Variants in SUN3 observed in about 807,000 individuals in gnomAD.
SUN3 encodes the protein SUN domain-containing protein 3.
A neutral mutation model predicts 48.2 loss-of-function variants in SUN3; 36 were observed. That is an observed-to-expected ratio of 0.75 (90% CI 0.57 to 0.99). SUN3 has a LOEUF of 0.99. Ranked by LOEUF, SUN3 falls within the 50% of genes least tolerant of loss-of-function variation. SUN3 has a pLI of 0.00. For synonymous variants in SUN3, 148 were observed against 147.9 expected, an observed-to-expected ratio of 1.00 and a Z score of 0.00; for missense variants, 419 against 433.1, an observed-to-expected ratio of 0.97 and a Z score of 0.29.
the SUN3 span, chr7:48,035,527 G>T: frequency 1.0e-5 from 7 of 697,556 alleles, no homozygotes; most frequent in Admixed American, 4.0e-5. This position sits in a 1 kb window ranked among gnomAD's most constrained non-coding sequence, Gnocchi z 4.0. Context: ...GTGGTTCCGC[G>T]GCGCGCTGGG....
chr7:48,007,469 G>T, intron 4 of SUN3, 142 bp from the exon 5 acceptor site: 1 of 723,364 alleles, frequency 1.4e-6, no homozygotes, highest in Non-Finnish European at 2.2e-6. Flanking sequence ...AGCAGAGCAT[G>T]CCCATTTCTC....
intron 3 of SUN3, 129 bp from the exon 4 acceptor site, chr7:48,009,204 A>T: frequency 1.2e-6 from 1 of 819,914 alleles, no homozygotes; most frequent in Non-Finnish European, 1.9e-6. Flanking sequence ...GCTGGAACTC[A>T]GGAGCGTCCT....
At chr7:47,988,117 T>C (rs1034166797) in intron 9 of SUN3, among the ~76,000 whole-genome samples, 4 of 152,196 alleles carry the variant, frequency 2.6e-5, no homozygotes, top group African/African-American at 9.6e-5. Flanking sequence ...CATAATCAAA[T>C]ATGAAGCTCT....
chr7:48,022,176 A>T (rs1044063027), intron 2 of SUN3, among the ~76,000 whole-genome samples: 4 of 152,192 alleles, frequency 2.6e-5, no homozygotes, highest in African/African-American at 9.6e-5. Flanking sequence ...TAGAAAGACA[A>T]ATATCACATG....
intron 6 of SUN3, among the ~76,000 whole-genome samples, chr7:48,002,409 C>T (rs1789409710): frequency 1.6e-5 from 2 of 127,098 alleles, no homozygotes; most frequent in East Asian, 1.9e-4. Context: ...CCACCCGCCT[C>T]GGCCTCCCAA....
chr7:48,011,315 A>G (rs1789677002), intron 3 of SUN3, among the ~76,000 whole-genome samples: 1 of 152,192 alleles, frequency 6.6e-6, no homozygotes, highest in Non-Finnish European at 1.5e-5. Context: ...GCTCTGCCCA[A>G]AATAGTGCTA....
chr7:47,991,798 G>GTGAGGGGGAGCGTGTGGGTGAAAGCC (rs1789071527), intron 8 of SUN3, among the ~76,000 whole-genome samples: 1 of 152,116 alleles, frequency 6.6e-6, no homozygotes, highest in African/African-American at 2.4e-5. Context: ...GGGTGAAAGC[G>GTGAGGGGGAGCGTGTGGGTGAAAGCC]TGAGGGGGAG....
the SUN3 span, chr7:48,035,765 T>G: frequency 1.7e-6 from 1 of 584,304 alleles, no homozygotes; most frequent in Non-Finnish European, 3.0e-6. The surrounding 1 kb of genome is among the most constrained non-coding windows in gnomAD (Gnocchi z 4.0). Context: ...CGGGTTGGGA[T>G]GAGCACAGGG....
intron 1 of SUN3, among the ~76,000 whole-genome samples, chr7:48,026,167 A>G (rs376180939): frequency 7.2e-5 from 11 of 152,186 alleles, no homozygotes; most frequent in African/African-American, 2.4e-4. Flanking sequence ...GCATACATAG[A>G]GTCATGCCTC....
chr7:48,009,129 G>A, intron 3 of SUN3, 54 bp from the exon 4 acceptor site: 1 of 1,528,914 alleles, frequency 6.5e-7, no homozygotes, highest in South Asian at 1.2e-5. Flanking sequence ...TTCAAATAGA[G>A]TCTTTTTTTT....
At chr7:47,997,532 T>C (rs1188874019) in intron 6 of SUN3, among the ~76,000 whole-genome samples, 2 of 152,246 alleles carry the variant, frequency 1.3e-5, no homozygotes, top group South Asian at 2.1e-4. Flanking sequence ...AATTCATATT[T>C]ATTCATTTTC....
At chr7:48,000,970 T>C (rs1358830478) in intron 6 of SUN3, among the ~76,000 whole-genome samples, 3 of 152,082 alleles carry the variant, frequency 2.0e-5, no homozygotes, top group African/African-American at 7.2e-5. Flanking sequence ...GATAAGAATA[T>C]TATACCTTTT....
intron 2 of SUN3, among the ~76,000 whole-genome samples, chr7:48,017,810 C>G (rs1033785790): frequency 6.6e-6 from 1 of 152,112 alleles, no homozygotes; most frequent in African/African-American, 2.4e-5. Flanking sequence ...TAGTGGTTCC[C>G]TGAGGGGCTG....
At chr7:48,028,635 A>G (rs1157485019) in intron 1 of SUN3, among the ~76,000 whole-genome samples, 182 bp downstream of exon 1, 3 of 152,132 alleles carry the variant, frequency 2.0e-5, no homozygotes, top group East Asian at 1.9e-4. Flanking sequence ...ACATAGAAGT[A>G]TTGTGATCAA....
chr7:47,987,183 G>T lies in SUN3; in HGVS notation c.*147C>A. On this transcript the variant is annotated 3_prime_UTR_variant, in exon 10 of 10. Coordinates refer to ENST00000297325, the MANE Select transcript of SUN3 (RefSeq NM_001030019.2). ...TTCCATATTTTTTTATTAGTAAAATGCATTTACTTTTTACAGGCAAGTATG... is the reference window on the plus strand; with the variant it reads ...TTCCATATTTTTTTATTAGTAAAATTCATTTACTTTTTACAGGCAAGTATG... The T allele has an allele frequency of 1.5e-6, 1 of 661,864 alleles. No individual in the cohort carries two copies. The highest frequency in any genetic ancestry group is 2.3e-6 in the Non-Finnish European group (1 of 432,804). The allele number at this position is 661,864 out of a possible 1,614,324, so 41.0% of individuals were successfully genotyped here.
At chr7:48,000,868 G>GTTTT (rs143433372) in intron 6 of SUN3, among the ~76,000 whole-genome samples, 31,970 of 143,584 alleles carry the variant, frequency 0.22, 4,412 homozygotes, top group Middle Eastern at 0.4. Flanking sequence ...TAAATTTATG[G>GTTTT]TTTTTTTTTT....
At chr7:48,003,861 G>A (rs953273857) in intron 6 of SUN3, among the ~76,000 whole-genome samples, 6 of 152,116 alleles carry the variant, frequency 3.9e-5, no homozygotes, top group African/African-American at 1.5e-4. Flanking sequence ...AACAGGGATA[G>A]TTTGACTTCC....
At chr7:48,010,797 G>A (rs1789662095) in intron 3 of SUN3, among the ~76,000 whole-genome samples, 1 of 152,096 alleles carries the variant, frequency 6.6e-6, no homozygotes, top group Admixed American at 6.5e-5. Context: ...CAAACGGGGT[G>A]GTTTGAAACA....
chr7:48,009,198 G>A (rs867104581), intron 3 of SUN3, 123 bp from the exon 4 acceptor site: 1 of 866,596 alleles, frequency 1.2e-6, no homozygotes, highest in Middle Eastern at 2.6e-4. Flanking sequence ...GTGCTGGCTG[G>A]AACTCAGGAG....
Sources: allele counts gnomAD v4.1 joint callset (sites outside exome capture counted in the v4.1 genomes callset), GRCh38; gene constraint gnomAD v4.1.1; non-coding constraint Gnocchi (gnomAD v3.1); transcripts MANE v1.5; gene names NCBI Gene and HGNC (gene_info 2026-07-23, HGNC 2026-07-21).